Variants in JAK1 observed in about 807,000 individuals in gnomAD.
The protein encoded by JAK1 is tyrosine-protein kinase JAK1.
A neutral mutation model predicts 136.6 loss-of-function variants in JAK1; 16 were observed. The observed-to-expected ratio is 0.12, with a 90% CI of 0.08 to 0.18. The LOEUF (loss-of-function observed/expected upper bound fraction) is 0.18, where lower values mean the gene tolerates loss of function less well. JAK1 is among the 10% of genes least tolerant of loss of function. The pLI, the probability that JAK1 is intolerant of heterozygous loss-of-function variation, is 1.00. For missense variants in JAK1, 859 were observed against 1,450.1 expected (o/e 0.59, Z 6.62); for synonymous variants, 492 against 519.5 (o/e 0.95, Z 0.72).
chr1:64,883,170 T>G (rs1405704570), intron 3 of JAK1, 107 bp downstream of exon 3: 1 of 886,610 alleles, frequency 1.1e-6, no homozygotes, highest in Non-Finnish European at 1.7e-6. Context: ...GACTCCAGAG[T>G]CCACAACTCT....
intron 2 of JAK1, among the ~76,000 whole-genome samples, chr1:64,996,130 T>G (rs1038176858): frequency 2.2e-4 from 33 of 152,142 alleles, no homozygotes; most frequent in African/African-American, 8.0e-4. Flanking sequence ...TTGGTTAAAA[T>G]TTTCCCAACC....
intron 3 of JAK1, among the ~76,000 whole-genome samples, chr1:64,881,026 C>G (rs1305953353): frequency 6.6e-6 from 1 of 151,936 alleles, no homozygotes; most frequent in Non-Finnish European, 1.5e-5. Context: ...CCCAAAACTT[C>G]AGGAGGCTAA....
chr1:65,019,652 C>T (rs982800917), intron 2 of JAK1, among the ~76,000 whole-genome samples: 1 of 152,182 alleles, frequency 6.6e-6, no homozygotes, highest in African/African-American at 2.4e-5. Context: ...CATGGTGGCT[C>T]ACTCCTGTAA....
At chr1:64,987,109 G>T (rs554178875) in intron 2 of JAK1, among the ~76,000 whole-genome samples, 1 of 152,234 alleles carries the variant, frequency 6.6e-6, no homozygotes, top group Non-Finnish European at 1.5e-5. Flanking sequence ...CTTACCCTAC[G>T]GTTACCTGCA....
chr1:65,047,548 C>T (rs1647196081), intron 1 of JAK1, among the ~76,000 whole-genome samples: 1 of 152,104 alleles, frequency 6.6e-6, no homozygotes, highest in Non-Finnish European at 1.5e-5. Flanking sequence ...GAAACCCCGT[C>T]TCTACTAAAA....
At chr1:65,018,665 T>C (rs2100786712) in intron 2 of JAK1, among the ~76,000 whole-genome samples, 1 of 152,200 alleles carries the variant, frequency 6.6e-6, no homozygotes, top group South Asian at 2.1e-4. Flanking sequence ...CAACAAACCT[T>C]ATAAAGATAT....
At chr1:64,993,617 A>ATTTTAT (rs763631903) in intron 2 of JAK1, 13 of 152,002 alleles carry the variant, frequency 8.6e-5, no homozygotes, top group East Asian at 7.7e-4. Context: ...TAGCCATTTT[A>ATTTTAT]TTTTATTTTT....
chr1:64,938,588 G>A (rs1569628358), intron 1 of JAK1, among the ~76,000 whole-genome samples: 1 of 152,298 alleles, frequency 6.6e-6, no homozygotes, highest in Admixed American at 6.5e-5. Context: ...CTTGACACCA[G>A]AACTATTTAT....
chr1:64,955,053 G>A (rs770909177), intron 1 of JAK1, among the ~76,000 whole-genome samples: 11 of 152,150 alleles, frequency 7.2e-5, no homozygotes, highest in Non-Finnish European at 1.3e-4. Context: ...AAGAATCAAG[G>A]ATGTAATTTG....
At chr1:64,989,317 T>G (rs1025500309) in intron 2 of JAK1, 1 of 142,412 alleles carries the variant, frequency 7.0e-6, no homozygotes, top group Admixed American at 7.2e-5. Context: ...AAAGAGAGAC[T>G]CCATCTCAAA....
At chr1:65,039,517 T>C (rs1647110332) in intron 2 of JAK1, among the ~76,000 whole-genome samples, 1 of 152,196 alleles carries the variant, frequency 6.6e-6, no homozygotes, top group Admixed American at 6.5e-5. Flanking sequence ...TTACATCATT[T>C]GTAAGCTACT....
At chr1:64,981,761 T>C (rs1646547835) in intron 2 of JAK1, among the ~76,000 whole-genome samples, 1 of 152,234 alleles carries the variant, frequency 6.6e-6, no homozygotes, top group Non-Finnish European at 1.5e-5. Context: ...TTAGGTGATT[T>C]GCCAGTGTTT....
chr1:65,028,986 T>C (rs1220982060), intron 2 of JAK1, among the ~76,000 whole-genome samples: 1 of 152,218 alleles, frequency 6.6e-6, no homozygotes, highest in Non-Finnish European at 1.5e-5. Context: ...AAAAGAATCA[T>C]TACAAAGGAC....
At chr1:64,895,295 C>G (rs1644997836) in intron 1 of JAK1, among the ~76,000 whole-genome samples, 2 of 152,314 alleles carry the variant, frequency 1.3e-5, no homozygotes, top group Middle Eastern at 3.4e-3. Context: ...GCCATTCCCT[C>G]TACCTTCTAT....
intron 12 of JAK1, among the ~76,000 whole-genome samples, chr1:64,848,961 G>A (rs1415784962): frequency 6.6e-6 from 1 of 152,174 alleles, no homozygotes; most frequent in Non-Finnish European, 1.5e-5. Flanking sequence ...CATTAAAGCT[G>A]CATCTGTCAT....
chr1:64,866,271 A>G (rs1015361228), intron 7 of JAK1, among the ~76,000 whole-genome samples: 4 of 152,206 alleles, frequency 2.6e-5, no homozygotes, highest in Admixed American at 6.5e-5. Flanking sequence ...CATATAAGTC[A>G]TGAAGCTAGG....
chr1:64,906,802 G>T (rs1312264166), intron 1 of JAK1, among the ~76,000 whole-genome samples: 1 of 152,150 alleles, frequency 6.6e-6, no homozygotes, highest in Non-Finnish European at 1.5e-5. Flanking sequence ...CTTGAACCCA[G>T]ATCTTTAGAA....
At chr1:64,843,180 C>G (rs896763023) in intron 17 of JAK1, among the ~76,000 whole-genome samples, 1 of 152,114 alleles carries the variant, frequency 6.6e-6, no homozygotes, top group Non-Finnish European at 1.5e-5. Flanking sequence ...CACCTGATCA[C>G]TGTTATTCCT....
At chr1:64,906,438 T>C (rs1645191873) in intron 1 of JAK1, among the ~76,000 whole-genome samples, 1 of 152,122 alleles carries the variant, frequency 6.6e-6, no homozygotes, top group South Asian at 2.1e-4. Flanking sequence ...CTCCCCAGCA[T>C]TCACTCTCTC....
Sources: gnomAD v4.1 joint callset for allele counts (sites outside exome capture counted in the v4.1 genomes callset) on GRCh38, gnomAD v4.1.1 for gene constraint, MANE v1.5 for transcripts, NCBI Gene and HGNC (gene_info 2026-07-23, HGNC 2026-07-21) for gene names.